The following MMEL1 variants were observed in gnomAD, a reference collection of about 807,000 sequenced individuals.
MMEL1 encodes the protein membrane metalloendopeptidase like 1, also known as membrane metallo-endopeptidase-like 1.
Under a neutral mutation model 117.1 loss-of-function variants are expected in MMEL1, and 98 were observed. The ratio of observed to expected loss-of-function variants is 0.84; its 90% CI spans 0.71 to 0.99. The LOEUF (loss-of-function observed/expected upper bound fraction) is 0.99, where lower values mean the gene tolerates loss of function less well. MMEL1 is among the 50% of genes least tolerant of loss of function. The pLI is 0.00. For synonymous variants in MMEL1, 390 were observed against 415.1 expected (o/e 0.94, Z 0.74); for missense variants, 1,014 against 1,049.1 (o/e 0.97, Z 0.46).
chr1:2,608,202 C>T (rs763785472), intron 6 of MMEL1, among the ~76,000 whole-genome samples: 2 of 152,226 alleles, frequency 1.3e-5, no homozygotes, highest in Admixed American at 6.5e-5. Flanking sequence ...AGGGTCCCAG[C>T]GAGTTCCACA....
At position 2,605,610 on chromosome 1, in the gene MMEL1, G is replaced by A. The variant is rs1645010812; in HGVS notation, c.764C>T (p.Thr255Ile). The A allele has an allele frequency of 6.2e-7, 1 of 1,612,618 alleles. No homozygotes were observed. Among genetic ancestry groups the A allele is most frequent in the Non-Finnish European group, 8.5e-7 (1 of 1,179,222 alleles). ...SRHIIYIDQP[T>I]LGMPSREYYF... ...GTACTCTCGGGAGGGCATGCCCAAG[G>A]TGGGCTGGTCTATCTGGAAATACAG... Residue 255 changes from threonine (T) to isoleucine (I), a missense_variant, in exon 9 of 24, where the codon ACC becomes ATC. Thr to Ile is a moderately conservative substitution (Grantham distance 89). Coordinates refer to ENST00000378412, the MANE Select transcript of MMEL1 (RefSeq NM_033467.4).
At chr1:2,614,598 T>C (rs1259730326) in intron 2 of MMEL1, among the ~76,000 whole-genome samples, 1 of 152,128 alleles carries the variant, frequency 6.6e-6, no homozygotes, top group Non-Finnish European at 1.5e-5. Context: ...TATATAAATA[T>C]TTATAGATAT....
At chr1:2,613,126 G>A (rs1447673161) in intron 2 of MMEL1, among the ~76,000 whole-genome samples, 1 of 152,228 alleles carries the variant, frequency 6.6e-6, no homozygotes, top group Non-Finnish European at 1.5e-5. Flanking sequence ...GCCAGATGCT[G>A]CAGTTCAGAT....
rs779846720 is a variant in MMEL1, at chr1:2,591,627, A to G, written c.2170T>C (p.Cys724Arg). The change falls in exon 23 of 24, where the codon TGC becomes CGC. Residue 724 changes from cysteine to arginine, a missense_variant. Physicochemically the swap from Cys to Arg is radical, Grantham distance 180. Transcript: ENST00000378412. Reference sequence around the variant, plus strand: ...GCGAACTCGGGCCGGTAGGACCCGCACCACACCTGTGGGCATGTTGGGGGC... The same window carrying G: ...GCGAACTCGGGCCGGTAGGACCCGCGCCACACCTGTGGGCATGTTGGGGGC... Reference protein sequence around the residue: ...LFFINYAQVWCGSYRPEFAIQ... With the variant: ...LFFINYAQVWRGSYRPEFAIQ... The G allele has an allele frequency of 9.6e-6, 14 of 1,459,804 alleles. No individual in the cohort carries two copies. The highest frequency in any genetic ancestry group is 1.2e-5 in the Non-Finnish European group (13 of 1,091,258). The allele number at this position is 1,459,804 out of a possible 1,614,324, so 90.4% of individuals were successfully genotyped here.
rs752861108 is a variant in MMEL1 at position 2,604,197 on chromosome 1, C to A, written c.901G>T (p.Val301Leu). 52 of 1,612,664 alleles carry A rather than the reference C, an allele frequency of 3.2e-5. No homozygotes were observed. Among genetic ancestry groups the A allele is most frequent in the Admixed American group, 6.7e-5 (4 of 60,000 alleles). ...AGCACCTGCACCATGTCCTCCTGCA[C>A]CAGGCAGCTGTCCCTGGGCAGGTTT... ...DANLPRDSCL[V>L]QEDMVQVLEL... The change falls in exon 10 of 24, where the codon GTG (valine) becomes TTG (leucine). Residue 301 changes from valine to leucine, a missense_variant. Val to Leu is a conservative substitution (Grantham distance 32). Coordinates refer to ENST00000378412, the MANE Select transcript of MMEL1 (RefSeq NM_033467.4).
intron 6 of MMEL1, among the ~76,000 whole-genome samples, 171 bp from the exon 7 acceptor site, chr1:2,607,240 C>A (rs1325258078): frequency 6.6e-6 from 1 of 152,264 alleles, no homozygotes; most frequent in African/African-American, 2.4e-5. Context: ...CCTCCCGTCA[C>A]AGGTCAGCAT....
At chr1:2,615,133 C>T (rs1016323552) in intron 2 of MMEL1, among the ~76,000 whole-genome samples, 1 of 152,182 alleles carries the variant, frequency 6.6e-6, no homozygotes, top group African/African-American at 2.4e-5. Flanking sequence ...TAGGTAGATA[C>T]TCTGCCTCTA....
intron 2 of MMEL1, among the ~76,000 whole-genome samples, chr1:2,629,016 C>T (rs868442492): frequency 2.0e-5 from 3 of 151,922 alleles, no homozygotes; most frequent in South Asian, 4.1e-4. Flanking sequence ...CGCCCCCCAC[C>T]CTCCGGGAGT....
intron 11 of MMEL1, among the ~76,000 whole-genome samples, chr1:2,599,490 G>A (rs1431580470): frequency 2.0e-5 from 3 of 152,208 alleles, no homozygotes; most frequent in Non-Finnish European, 4.4e-5. Context: ...AAAGTCACAT[G>A]ATTATTTCAA....
At chr1:2,614,570 T>C (rs748979982) in intron 2 of MMEL1, among the ~76,000 whole-genome samples, 14 of 152,166 alleles carry the variant, frequency 9.2e-5, no homozygotes, top group Non-Finnish European at 1.6e-4. Flanking sequence ...TAGCTTAATA[T>C]AGATGCAGAT....
intron 21 of MMEL1, 69 bp from the exon 22 acceptor site, chr1:2,592,096 G>T: frequency 1.5e-6 from 2 of 1,325,438 alleles, no homozygotes; most frequent in East Asian, 2.3e-5. Context: ...AGATCTCAGG[G>T]CAGAGCAGAG....
intron 2 of MMEL1, among the ~76,000 whole-genome samples, chr1:2,616,411 G>A (rs1018193940): frequency 1.3e-5 from 2 of 149,848 alleles, no homozygotes; most frequent in East Asian, 2.0e-4. Flanking sequence ...TAAGAATGAC[G>A]GTGACCTCTC....
In MMEL1 at chr1:2,595,014, T is replaced by C; in HGVS notation, c.1585-121A>G. 1 of 831,620 alleles carries C rather than the reference T, an allele frequency of 1.2e-6. No individual in the cohort carries two copies. Among genetic ancestry groups the C allele is most frequent in the African/African-American group, 1.7e-5 (1 of 59,052 alleles). The allele number at this position is 831,620 out of a possible 1,614,324, so 51.5% of individuals were successfully genotyped here. A position where few individuals can be genotyped will look rare whatever the true frequency, so the allele number is the denominator to read the frequency against. ...TTGCCAGGCGTCCGCACGTGGACAG[T>C]CGGCTGTGGGTGCAGGTGAACGGGG... On this transcript the variant is annotated intron_variant, in intron 16 of 23. Coordinates refer to ENST00000378412, the MANE Select transcript of MMEL1 (RefSeq NM_033467.4). The surrounding 1 kb of genome is among the most constrained non-coding windows in gnomAD (Gnocchi z 4.8).
chr1:2,619,035 T>C (rs1288671628), intron 2 of MMEL1, among the ~76,000 whole-genome samples: 1 of 152,184 alleles, frequency 6.6e-6, no homozygotes, highest in Admixed American at 6.5e-5. Context: ...GTGACTTGCT[T>C]TGGCCAACAG....
rs546045573 is a variant in MMEL1 at position 2,616,638 on chromosome 1, G to A, written c.155-4434C>T. Among the ~76,000 whole-genome samples the A allele has an allele frequency of 2.0e-5, 3 of 152,330 alleles. No individual in the cohort carries two copies. In the East Asian group the frequency reaches 5.8e-4, roughly 29 times the overall value. ...AAAGGTCTTCACTCAGAAGGGACAC[G>A]AAACCAGTGGGAAGACCAGATTGGT... On this transcript the variant is annotated intron_variant, in intron 2 of 23. Coordinates refer to ENST00000378412, the MANE Select transcript of MMEL1 (RefSeq NM_033467.4).
intron 23 of MMEL1, chr1:2,591,301 A>G: frequency 3.3e-6 from 2 of 597,032 alleles, no homozygotes; most frequent in South Asian, 2.1e-5. Flanking sequence ...AGATATTCCA[A>G]CTCTGCAATA....
chr1:2,591,007 G>T lies in MMEL1; in HGVS notation c.2323C>A (p.Arg775=). The T allele has an allele frequency of 6.3e-7, 1 of 1,596,284 alleles. No individual in the cohort carries two copies. Among genetic ancestry groups the T allele is most frequent in the South Asian group, 1.1e-5 (1 of 88,012 alleles). The part of the protein sequence containing the change: ...ARGTPMHPKE[R]CRVW ...GGCCTTGGCTACCACACGCGGCATCGCTCCTTGGGGTGCATGGGGGTGCCC... is the reference window on the plus strand; with the variant it reads ...GGCCTTGGCTACCACACGCGGCATCTCTCCTTGGGGTGCATGGGGGTGCCC... The change falls in exon 24 of 24, where the codon CGA becomes AGA. Residue 775 remains arginine, a synonymous_variant. Coordinates refer to ENST00000378412, the MANE Select transcript of MMEL1 (RefSeq NM_033467.4).
chr1:2,591,407 C>T (rs111634861), intron 23 of MMEL1, 150 bp downstream of exon 23: 44 of 683,000 alleles, frequency 6.4e-5, no homozygotes, highest in African/African-American at 4.1e-4. Context: ...TGTCCCTGAC[C>T]GAAATCGGCC....
At chr1:2,594,728 G>T in intron 17 of MMEL1, 62 bp downstream of exon 17, 2 of 1,428,638 alleles carry the variant, frequency 1.4e-6, no homozygotes, top group Non-Finnish European at 2.0e-6. Context: ...AGGCAGCCCT[G>T]CACGCCTTAC....
Sources: gnomAD v4.1 joint callset for allele counts (sites outside exome capture counted in the v4.1 genomes callset) on GRCh38, gnomAD v4.1.1 for gene constraint, Gnocchi (gnomAD v3.1) non-coding constraint, MANE v1.5 for transcripts, NCBI Gene and HGNC (gene_info 2026-07-23, HGNC 2026-07-21) for gene names.